FYN: variants seen among roughly 807,000 people sequenced by gnomAD.
The protein encoded by FYN is FYN proto-oncogene, Src family tyrosine kinase.
In FYN, 10 loss-of-function variants were observed where a neutral mutation model predicts 70.2. The observed-to-expected ratio is 0.14, with a 90% CI of 0.09 to 0.24. The LOEUF is 0.24. Among genes scored for constraint, FYN ranks in the 10% least tolerant of loss-of-function variants. The pLI is 1.00. For missense variants in FYN, 319 were observed against 673.1 expected, an observed-to-expected ratio of 0.47 and a Z score of 5.82; for synonymous variants, 236 against 248.6, an observed-to-expected ratio of 0.95 and a Z score of 0.48.
chr6:111,861,327 A>G (rs1030510361), intron 1 of FYN, among the ~76,000 whole-genome samples: 1 of 152,224 alleles, frequency 6.6e-6, no homozygotes, highest in Admixed American at 6.5e-5. Flanking sequence ...ACATGAGCAG[A>G]ATGAATAAAT....
At position 111,660,932 on chromosome 6, in the gene FYN, T is replaced by C. The variant is rs1378846666; in HGVS notation, c.*807A>G. ...AGTTTTGAGAACAAATCGCAGTAAG[T>C]TGAAGCAAATAGTGCTAACAGAACT... On this transcript the variant is annotated 3_prime_UTR_variant, in exon 14 of 14. Transcript: ENST00000354650. 6.6e-6 allele frequency: 1 copy of C among 152,224 alleles called. No individual in the cohort carries two copies. Among genetic ancestry groups the C allele is most frequent in the Non-Finnish European group, 1.5e-5 (1 of 68,038 alleles). The allele number at this position is 152,224 out of a possible 1,614,324, so 9.4% of individuals were successfully genotyped here. A position where few individuals can be genotyped will look rare whatever the true frequency, so the allele number is the denominator to read the frequency against.
intron 2 of FYN, among the ~76,000 whole-genome samples, chr6:111,808,388 G>C (rs546143598): frequency 6.6e-6 from 1 of 152,328 alleles, no homozygotes; most frequent in South Asian, 2.1e-4. Context: ...GGCTGAAGGG[G>C]CAAGGTGAGG....
chr6:111,861,757 T>C (rs1231567728), intron 1 of FYN, among the ~76,000 whole-genome samples: 2 of 152,246 alleles, frequency 1.3e-5, no homozygotes, highest in Non-Finnish European at 2.9e-5. Context: ...TTGTGCTGTT[T>C]TGAGTTTCGT....
At chr6:111,786,424 G>A (rs1160547758) in intron 2 of FYN, among the ~76,000 whole-genome samples, 3 of 152,214 alleles carry the variant, frequency 2.0e-5, no homozygotes, top group Non-Finnish European at 4.4e-5. Flanking sequence ...ATTCCATGGT[G>A]TATATGTGCC....
intron 3 of FYN, among the ~76,000 whole-genome samples, chr6:111,730,753 G>A (rs1304389903): frequency 6.6e-6 from 1 of 152,138 alleles, no homozygotes; most frequent in Non-Finnish European, 1.5e-5. Context: ...AGAAACACTA[G>A]GCACAGAAGA....
chr6:111,813,762 A>G (rs1270307301), intron 2 of FYN: 2 of 152,222 alleles, frequency 1.3e-5, no homozygotes, highest in African/African-American at 2.4e-5. Context: ...GCAGTGCTAG[A>G]GGAATGTTAG....
intron 4 of FYN, among the ~76,000 whole-genome samples, chr6:111,717,742 G>A (rs532465154): frequency 6.6e-6 from 1 of 152,172 alleles, no homozygotes; most frequent in Non-Finnish European, 1.5e-5. Flanking sequence ...GGGATTACAG[G>A]CATGAGCTAC....
chr6:111,675,180 A>G (rs1798477054), intron 12 of FYN, among the ~76,000 whole-genome samples: 2 of 152,080 alleles, frequency 1.3e-5, no homozygotes, highest in African/African-American at 4.8e-5. Context: ...TTTTTCCTCC[A>G]TTCTTTCTCC....
At chr6:111,806,399 G>A (rs536999907) in intron 2 of FYN, among the ~76,000 whole-genome samples, 4 of 152,214 alleles carry the variant, frequency 2.6e-5, no homozygotes, top group East Asian at 1.9e-4. Flanking sequence ...ACACCCCTTC[G>A]GCCCAGCTCT....
At chr6:111,850,396 C>G (rs1371016589) in intron 1 of FYN, among the ~76,000 whole-genome samples, 2 of 152,244 alleles carry the variant, frequency 1.3e-5, no homozygotes, top group Non-Finnish European at 2.9e-5. Flanking sequence ...TTCACAGATT[C>G]ACATCGGAAT....
At chr6:111,857,866 G>C (rs1773864645) in intron 1 of FYN, among the ~76,000 whole-genome samples, 1 of 152,170 alleles carries the variant, frequency 6.6e-6, no homozygotes, top group African/African-American at 2.4e-5. Flanking sequence ...GTGATGGGGA[G>C]AGGATTGAGT....
intron 12 of FYN, among the ~76,000 whole-genome samples, chr6:111,683,352 C>T (rs1798854291): frequency 6.6e-6 from 1 of 152,206 alleles, no homozygotes. Flanking sequence ...CCAGGACAGG[C>T]CTGGGTGGGC....
chr6:111,810,764 A>G (rs957238767), intron 2 of FYN, among the ~76,000 whole-genome samples: 5 of 152,168 alleles, frequency 3.3e-5, no homozygotes, highest in African/African-American at 1.2e-4. Flanking sequence ...TGGAGCAGAA[A>G]TGAATGCTGC....
At chr6:111,770,016 G>A (rs1370244921) in intron 3 of FYN, among the ~76,000 whole-genome samples, 4 of 152,094 alleles carry the variant, frequency 2.6e-5, no homozygotes, top group South Asian at 4.1e-4. Context: ...GGGCAAAAAA[G>A]CAGATCAAGT....
chr6:111,694,439 T>C lies in FYN; in HGVS notation c.1209A>G (p.Ile403Met), dbSNP rs1399641483. 1.2e-6 allele frequency: 2 copies of C among 1,614,254 alleles called. No homozygotes were observed. The highest frequency in any genetic ancestry group is 1.7e-5 in the Admixed American group (1 of 60,030). ...SANILVGNGLICKIADFGLAR... is the reference protein window; with the variant it reads ...SANILVGNGLMCKIADFGLAR... ...CCAATCCGAAGTCAGCAATCTTGCA[T>C]ATGAGTCCATTCCCCACTAGAATGT... Residue 403 changes from isoleucine (I) to methionine (M), a missense_variant, in exon 12 of 14, where the codon ATA becomes ATG. By Grantham distance (10) the Ile-to-Met change is conservative. Around this residue, in one of 4 missense-constraint regions of FYN, gnomAD observed 64 missense variants for 223.0 expected, o/e 0.29. Coordinates refer to ENST00000354650, the MANE Select transcript of FYN (RefSeq NM_002037.5). The surrounding 1 kb of genome is among the most constrained non-coding windows in gnomAD (Gnocchi z 5.0).
At chr6:111,865,188 T>TCC (rs1774070319) in intron 1 of FYN, among the ~76,000 whole-genome samples, 1 of 152,192 alleles carries the variant, frequency 6.6e-6, no homozygotes, top group Non-Finnish European at 1.5e-5. Context: ...AGGTACTCAA[T>TCC]ACATATTTGC....
intron 2 of FYN, among the ~76,000 whole-genome samples, chr6:111,805,875 GA>G (rs1772130342): frequency 6.6e-6 from 1 of 152,204 alleles, no homozygotes; most frequent in African/African-American, 2.4e-5. Context: ...AAAGTAGGCA[GA>G]GGGGTGGGGG....
At chr6:111,836,416 C>T (rs546027040) in intron 2 of FYN, among the ~76,000 whole-genome samples, 3 of 152,042 alleles carry the variant, frequency 2.0e-5, no homozygotes, top group African/African-American at 7.2e-5. Flanking sequence ...TGGGCTTTAG[C>T]CCCCAAAAGA....
intron 3 of FYN, among the ~76,000 whole-genome samples, chr6:111,730,266 T>A (rs149846936): frequency 6.6e-6 from 1 of 152,166 alleles, no homozygotes; most frequent in South Asian, 2.1e-4. Flanking sequence ...CAAAGCCACA[T>A]GCAGAGGATC....
Sources: gnomAD v4.1 joint callset for allele counts (sites outside exome capture counted in the v4.1 genomes callset) on GRCh38, gnomAD v4.1.1 for gene constraint, gnomAD v4.1.1 regional missense constraint, Gnocchi (gnomAD v3.1) non-coding constraint, MANE v1.5 for transcripts, NCBI Gene and HGNC (gene_info 2026-07-23, HGNC 2026-07-21) for gene names.